ZNF516: variants seen among roughly 807,000 people sequenced by gnomAD.
ZNF516 encodes zinc finger protein 516.
In ZNF516, 19 loss-of-function variants were observed where a neutral mutation model predicts 79.7. The observed-to-expected ratio is 0.24, with a 90% CI of 0.17 to 0.35. The LOEUF is 0.35. Ranked by LOEUF, ZNF516 falls within the 10% of genes least tolerant of loss-of-function variation. The pLI is 1.00. For synonymous variants in ZNF516, 877 were observed against 739.5 expected, an observed-to-expected ratio of 1.19 and a Z score of -3.02; for missense variants, 1,678 against 1,679.5, an observed-to-expected ratio of 1.00 and a Z score of 0.02.
At chr18:76,490,076 G>C (rs1471529686) in intron 1 of ZNF516, 1 of 703,800 alleles carries the variant, frequency 1.4e-6, no homozygotes, top group Non-Finnish European at 1.7e-6. Flanking sequence ...AAAAACATTA[G>C]ACATGCTTGT....
At chr18:76,432,850 C>T (rs889214653) in intron 3 of ZNF516, among the ~76,000 whole-genome samples, 1 of 152,346 alleles carries the variant, frequency 6.6e-6, no homozygotes, top group Non-Finnish European at 1.5e-5. Flanking sequence ...TTCTGCTCCT[C>T]ATCCACAGTA....
At chr18:76,373,178 A>G (rs910037382) in intron 4 of ZNF516, among the ~76,000 whole-genome samples, 1 of 151,894 alleles carries the variant, frequency 6.6e-6, no homozygotes. Context: ...AAAGAGGAAA[A>G]AGAAAAAGAA....
intron 1 of ZNF516, among the ~76,000 whole-genome samples, chr18:76,489,451 A>AG (rs1915028589): frequency 6.6e-6 from 1 of 152,204 alleles, no homozygotes. Context: ...ATCTCCTTGC[A>AG]GGGGGAAGTT....
In ZNF516 at chr18:76,442,353, G is replaced by A. The variant is rs760770295; in HGVS notation, c.702C>T (p.Ala234=). 1.9e-6 allele frequency: 3 copies of A among 1,609,908 alleles called. No individual in the cohort carries two copies. The highest frequency in any genetic ancestry group is 1.3e-5 in the African/African-American group (1 of 75,036). The stretch of plus-strand genomic sequence containing the variant: ...GCTCGGGCTTGCCGTTCTCCACGCA[G>A]GCCTCGCCGCTGCCGGGCCCCTGCG... ...ITAQGPGSGE[A]CVENGKPELS... is the part of the protein sequence containing the mutation. Residue 234 remains alanine (A), a synonymous_variant, in exon 3 of 7, where the codon GCC becomes GCT. Transcript: ENST00000443185.
intron 1 of ZNF516, among the ~76,000 whole-genome samples, chr18:76,475,939 C>T (rs191123172): frequency 6.6e-6 from 1 of 152,204 alleles, no homozygotes; most frequent in Non-Finnish European, 1.5e-5. Context: ...TGGCATAGAG[C>T]AGGCGCTCAA....
intron 1 of ZNF516, chr18:76,491,649 C>T: frequency 1.4e-6 from 1 of 717,182 alleles, no homozygotes; most frequent in Non-Finnish European, 1.7e-6. Context: ...TCCTGGCAGC[C>T]CAGCAACAAG....
chr18:76,461,163 C>A (rs1913085178), intron 2 of ZNF516, among the ~76,000 whole-genome samples: 1 of 152,230 alleles, frequency 6.6e-6, no homozygotes, highest in South Asian at 2.1e-4. Flanking sequence ...ACCTGGGCGA[C>A]AGAGCCTGAC....
At chr18:76,416,533 A>G (rs901247754) in intron 3 of ZNF516, among the ~76,000 whole-genome samples, 3 of 152,246 alleles carry the variant, frequency 2.0e-5, no homozygotes, top group African/African-American at 7.2e-5. Context: ...ACTTTAATCC[A>G]AGCACAAATA....
chr18:76,424,688 C>T (rs1381373269), intron 3 of ZNF516, among the ~76,000 whole-genome samples: 2 of 129,398 alleles, frequency 1.5e-5, no homozygotes, highest in Admixed American at 1.6e-4. Context: ...GGTGAAAAGG[C>T]TCCCCCGAAA....
chr18:76,492,827 G>A (rs1915313302), intron 1 of ZNF516: 1 of 986,150 alleles, frequency 1.0e-6, no homozygotes, highest in Non-Finnish European at 1.2e-6. Context: ...GAGGCGCTCC[G>A]TGGGGGCTGC....
At position 76,441,731 on chromosome 18, in the gene ZNF516, C is replaced by T; in HGVS notation, c.1324G>A (p.Ala442Thr). 1 of 1,573,164 alleles carries T rather than the reference C, an allele frequency of 6.4e-7. No individual in the cohort carries two copies. Among genetic ancestry groups the T allele is most frequent in the Non-Finnish European group, 8.6e-7 (1 of 1,164,434 alleles). ...TCGAAGGCCACGTCCCCGGCCAGCG[C>T]CTCGTCCCAGGCCCCGTACTTGAGG... Reference protein sequence around the residue: ...EYLKYGAWDEALAGDVAFDKD... With the variant: ...EYLKYGAWDETLAGDVAFDKD... Residue 442 changes from alanine to threonine, a missense_variant, in exon 3 of 7, where the codon GCG (alanine) becomes ACG (threonine). Coordinates refer to ENST00000443185, the MANE Select transcript of ZNF516 (RefSeq NM_014643.4).
intron 1 of ZNF516, among the ~76,000 whole-genome samples, chr18:76,478,148 G>A (rs1914284091): frequency 6.6e-6 from 1 of 152,154 alleles, no homozygotes; most frequent in Non-Finnish European, 1.5e-5. Flanking sequence ...AGATTTTCAG[G>A]ACAAATGAGA....
rs970808313 is a variant in ZNF516 at position 76,451,890 on chromosome 18, C to A, written c.-157-8679G>T. Among the ~76,000 whole-genome samples the A allele has an allele frequency of 1.3e-5, 2 of 152,152 alleles. No individual in the cohort carries two copies. The highest frequency in any genetic ancestry group is 2.9e-5 in the Non-Finnish European group (2 of 68,036). ...TCTCCCTACAAACCATTCTGTACAC[C>A]AGTAACAATTACAGGCTTATAGTCC... On this transcript the variant is annotated intron_variant, in intron 2 of 6. Transcript: ENST00000443185. The surrounding 1 kb of genome is among the most constrained non-coding windows in gnomAD (Gnocchi z 6.0).
chr18:76,458,575 C>T (rs529032602), intron 2 of ZNF516, among the ~76,000 whole-genome samples: 22 of 152,366 alleles, frequency 1.4e-4, no homozygotes, highest in Non-Finnish European at 7.3e-5. Context: ...GAGTAGTGCT[C>T]GGGACCCTCA....
chr18:76,486,951 A>G (rs1254090082), intron 1 of ZNF516, among the ~76,000 whole-genome samples: 1 of 152,220 alleles, frequency 6.6e-6, no homozygotes, highest in Non-Finnish European at 1.5e-5. Context: ...ATATGGTAAG[A>G]TGTATCTAAA....
chr18:76,458,910 A>T (rs531314875), intron 2 of ZNF516, among the ~76,000 whole-genome samples: 152 of 152,130 alleles, frequency 1.0e-3, no homozygotes, highest in African/African-American at 3.3e-3. Flanking sequence ...TAAAGGTTAG[A>T]GTGTGTGACA....
At chr18:76,362,986 C>T (rs1345660565) in intron 6 of ZNF516, among the ~76,000 whole-genome samples, 2 of 152,192 alleles carry the variant, frequency 1.3e-5, no homozygotes, top group Non-Finnish European at 2.9e-5. Context: ...CAAAACAAGG[C>T]TGAATTTGGG....
chr18:76,400,148 G>C (rs189768049), intron 3 of ZNF516, among the ~76,000 whole-genome samples: 1 of 152,280 alleles, frequency 6.6e-6, no homozygotes, highest in East Asian at 1.9e-4. Context: ...GCAACTGGAA[G>C]GGGAGACAGA....
At chr18:76,471,697 T>A (rs1278137329) in intron 1 of ZNF516, among the ~76,000 whole-genome samples, 1 of 151,852 alleles carries the variant, frequency 6.6e-6, no homozygotes, top group Non-Finnish European at 1.5e-5. Context: ...GAACGGGAGA[T>A]CCCAGAATTG....
Sources: gnomAD v4.1 joint callset for allele counts (sites outside exome capture counted in the v4.1 genomes callset) on GRCh38, gnomAD v4.1.1 for gene constraint, Gnocchi (gnomAD v3.1) non-coding constraint, MANE v1.5 for transcripts, NCBI Gene and HGNC (gene_info 2026-07-23, HGNC 2026-07-21) for gene names.